SLC36A1: variants seen among roughly 807,000 people sequenced by gnomAD.
SLC36A1 encodes solute carrier family 36 member 1, also known as proton-coupled amino acid transporter 1.
SLC36A1 carries 30 observed loss-of-function variants against 47.5 expected under a neutral mutation model. That is an observed-to-expected ratio of 0.63 (90% CI 0.47 to 0.86). SLC36A1 has a LOEUF of 0.86. Among genes scored for constraint, SLC36A1 ranks in the 40% least tolerant of loss-of-function variants. The probability of loss-of-function intolerance (pLI) is 0.00; values close to 1 mark genes in which losing one functional copy is unlikely to be tolerated. For missense variants in SLC36A1, 517 were observed against 606.0 expected, an observed-to-expected ratio of 0.85 and a Z score of 1.54; for synonymous variants, 255 against 249.7, an observed-to-expected ratio of 1.02 and a Z score of -0.20.
the SLC36A1 span, among the ~76,000 whole-genome samples, chr5:151,555,797 T>A: frequency 1.3e-5 from 2 of 152,332 alleles, no homozygotes; most frequent in East Asian, 3.9e-4. Flanking sequence ...GAAGAGATCA[T>A]CAGTGAAGGA....
chr5:151,368,928 G>A, the SLC36A1 span, among the ~76,000 whole-genome samples: 123 of 152,220 alleles, frequency 8.1e-4, no homozygotes, highest in African/African-American at 2.8e-3. Flanking sequence ...AATTCAACTT[G>A]GTTACCAAAA....
the SLC36A1 span, chr5:151,527,871 A>C: frequency 7.8e-7 from 1 of 1,283,114 alleles, no homozygotes; most frequent in Non-Finnish European, 1.1e-6. Flanking sequence ...CAAGTGAGAG[A>C]CATTCTGGGA....
At chr5:151,539,378 A>G in the SLC36A1 span, among the ~76,000 whole-genome samples, 1 of 152,236 alleles carries the variant, frequency 6.6e-6, no homozygotes, top group African/African-American at 2.4e-5. Flanking sequence ...CGAAGTTTGT[A>G]TATATGCAAA....
chr5:151,417,627 C>T, the SLC36A1 span, among the ~76,000 whole-genome samples: 2 of 152,126 alleles, frequency 1.3e-5, no homozygotes, highest in African/African-American at 4.8e-5. Flanking sequence ...AACTAGAGTG[C>T]TCTTGAAAGC....
At chr5:151,524,690 G>A in the SLC36A1 span, among the ~76,000 whole-genome samples, 1 of 152,190 alleles carries the variant, frequency 6.6e-6, no homozygotes, top group African/African-American at 2.4e-5. Context: ...AGGCCCACAT[G>A]ATCTACCCAG....
chr5:151,393,695 G>A, the SLC36A1 span, among the ~76,000 whole-genome samples: 63 of 152,220 alleles, frequency 4.1e-4, no homozygotes, highest in African/African-American at 1.4e-3. Flanking sequence ...ATTCTGGGTT[G>A]AAAATTCTTT....
At chr5:151,517,888 A>T in the SLC36A1 span, 1 of 1,223,340 alleles carries the variant, frequency 8.2e-7, no homozygotes, top group Non-Finnish European at 1.2e-6. Flanking sequence ...TTATACATGA[A>T]GAAACTAGGC....
At chr5:151,374,069 G>C in the SLC36A1 span, among the ~76,000 whole-genome samples, 477 of 152,276 alleles carry the variant, frequency 3.1e-3, 17 homozygotes, top group East Asian at 0.081. Flanking sequence ...AAGGTGCAAG[G>C]CCCTTGCACC....
chr5:151,507,215 C>G, the SLC36A1 span: 1 of 1,612,320 alleles, frequency 6.2e-7, no homozygotes. Context: ...GGGAAGGGAC[C>G]GCAGCTGGCG....
chr5:151,448,726 T>G (rs1753182648), intron 1 of SLC36A1, among the ~76,000 whole-genome samples: 1 of 152,226 alleles, frequency 6.6e-6, no homozygotes, highest in Non-Finnish European at 1.5e-5. Context: ...TTGCTGAAGA[T>G]AGCATCATGG....
the SLC36A1 span, among the ~76,000 whole-genome samples, chr5:151,409,967 G>A: frequency 1.3e-5 from 2 of 152,168 alleles, no homozygotes; most frequent in African/African-American, 4.8e-5. Flanking sequence ...TTTGTTTAGG[G>A]AGCACTCACT....
the SLC36A1 span, among the ~76,000 whole-genome samples, chr5:151,554,891 A>C: frequency 6.6e-6 from 1 of 152,248 alleles, no homozygotes; most frequent in African/African-American, 2.4e-5. Flanking sequence ...GGAAGAAGAC[A>C]GAGTCAGAGT....
At chr5:151,382,572 G>A in the SLC36A1 span, among the ~76,000 whole-genome samples, 1 of 152,200 alleles carries the variant, frequency 6.6e-6, no homozygotes, top group Non-Finnish European at 1.5e-5. Context: ...AGATGTGCTG[G>A]AGACTCTCTT....
At chr5:151,543,321 A>C in the SLC36A1 span, 1 of 1,614,218 alleles carries the variant, frequency 6.2e-7, no homozygotes, top group East Asian at 2.2e-5. Context: ...GGATAACCGG[A>C]GAGTCTTTAC....
Position 151,491,313 on chromosome 5 carries a change from C to T in SLC36A1, c.*3059C>T, listed in dbSNP as rs1453235573. 1 of 152,676 alleles carries T rather than the reference C, an allele frequency of 6.5e-6. No homozygotes were observed. The highest frequency in any genetic ancestry group is 1.5e-5 in the Non-Finnish European group (1 of 68,072). The allele number at this position is 152,676 out of a possible 1,614,324, so 9.5% of individuals were successfully genotyped here. ...AGCTGCTAAGATCCCTTCATCTGCA[C>T]AAGCCCTGGCTAGATATGTGTGAAT... On this transcript the variant is annotated 3_prime_UTR_variant, in exon 11 of 11. Coordinates refer to ENST00000243389, the MANE Select transcript of SLC36A1 (RefSeq NM_078483.4).
the SLC36A1 span, chr5:151,531,940 G>A: frequency 5.0e-6 from 8 of 1,614,184 alleles, no homozygotes; most frequent in African/African-American, 1.3e-5. This position sits in a 1 kb window ranked among gnomAD's most constrained non-coding sequence, Gnocchi z 5.7. Context: ...GGCTGAATCC[G>A]GCAGAGAGTA....
At chr5:151,376,633 C>CA in the SLC36A1 span, among the ~76,000 whole-genome samples, 3 of 151,440 alleles carry the variant, frequency 2.0e-5, no homozygotes, top group South Asian at 6.2e-4. Flanking sequence ...TCATTCATTT[C>CA]AAAAATTTTT....
intron 1 of SLC36A1, among the ~76,000 whole-genome samples, chr5:151,439,039 A>G (rs977635005): frequency 1.3e-5 from 2 of 152,126 alleles, no homozygotes; most frequent in African/African-American, 2.4e-5. Context: ...TCACAGTTCT[A>G]CATGGCTGGG....
the SLC36A1 span, chr5:151,549,357 T>C: frequency 4.3e-6 from 7 of 1,613,930 alleles, no homozygotes; most frequent in East Asian, 4.5e-5. Context: ...GGCTCGGACC[T>C]GCAGCAGCTC....
Sources: gnomAD v4.1 joint callset for allele counts (sites outside exome capture counted in the v4.1 genomes callset) on GRCh38, gnomAD v4.1.1 for gene constraint, Gnocchi (gnomAD v3.1) non-coding constraint, MANE v1.5 for transcripts, NCBI Gene and HGNC (gene_info 2026-07-23, HGNC 2026-07-21) for gene names.